Variants in ADH4 observed in about 807,000 individuals in gnomAD.
The protein encoded by ADH4 is all-trans-retinol dehydrogenase [NAD(+)] ADH4.
In ADH4, 31 loss-of-function variants were observed where a neutral mutation model predicts 35.2. The ratio of observed to expected loss-of-function variants is 0.88; its 90% CI spans 0.66 to 1.19. The LOEUF is 1.19. ADH4 is among the 50% of genes most tolerant of loss of function. ADH4 has a pLI of 0.00. For synonymous variants in ADH4, 171 were observed against 160.2 expected, an observed-to-expected ratio of 1.07 and a Z score of -0.51; for missense variants, 476 against 458.3, an observed-to-expected ratio of 1.04 and a Z score of -0.35.
chr4:99,140,852 G>A (rs1729589109), intron 3 of ADH4, among the ~76,000 whole-genome samples: 1 of 141,732 alleles, frequency 7.1e-6, no homozygotes, highest in Non-Finnish European at 1.5e-5. Flanking sequence ...GGGTGACAGA[G>A]CAAGGCTCCA....
Position 99,144,204 on chromosome 4 carries a change from C to T in ADH4, c.18+1G>A, listed in dbSNP as rs770951929. On this transcript the variant is annotated splice_donor_variant, in intron 1 of 8. Coordinates refer to ENST00000265512, the MANE Select transcript of ADH4 (RefSeq NM_000670.5). LOFTEE classifies it high-confidence loss of function. The stretch of plus-strand genomic sequence containing the variant: ...AACAAAGATACAGCTTACTTGCTTA[C>T]TTTGCCCTTGGTGCCCATTTTTCTT... The T allele has an allele frequency of 6.2e-7, 1 of 1,613,858 alleles. No individual in the cohort carries two copies. Among genetic ancestry groups the T allele is most frequent in the South Asian group, 1.1e-5 (1 of 91,080 alleles).
rs1445057595 is a variant in ADH4, at chr4:99,142,763, T to A, written c.36A>T (p.Ala12=). 6.2e-7 allele frequency: 1 copy of A among 1,600,170 alleles called. No individual in the cohort carries two copies. Among genetic ancestry groups the A allele is most frequent in the East Asian group, 2.2e-5 (1 of 44,524 alleles). The part of the protein sequence containing the change: ...GTKGKVIKCK[A]AIAWEAGKPL... ...GCTTGCCTGCTTCCCAGGCGATGGCTGCTTTGCATTTAATAACCTGAAAGA... is the reference window on the plus strand; with the variant it reads ...GCTTGCCTGCTTCCCAGGCGATGGCAGCTTTGCATTTAATAACCTGAAAGA... Residue 12 remains alanine (A), a synonymous_variant, in exon 2 of 9, where the codon GCA becomes GCT. Transcript: ENST00000265512.
chr4:99,137,026 C>T (rs1364991984), intron 4 of ADH4, among the ~76,000 whole-genome samples: 1 of 151,998 alleles, frequency 6.6e-6, no homozygotes, highest in Non-Finnish European at 1.5e-5. Context: ...CTCCGTTCAC[C>T]GCAACCTCCG....
chr4:99,127,310 C>T lies in ADH4; in HGVS notation c.878G>A (p.Gly293Glu). ...AGCTACTCCAATGAAAGTACATGAT[C>T]CCCAGCCTGCGGTTGTACAGTCCAG... is the stretch of plus-strand genomic sequence containing the variant. ...AALDCTTAGW[G>E]SCTFIGVAAG... The change falls in exon 7 of 9, where the codon GGA (glycine) becomes GAA (glutamate). Residue 293 changes from glycine to glutamate, a missense_variant. Gly to Glu is a moderately conservative substitution (Grantham distance 98). Coordinates refer to ENST00000265512, the MANE Select transcript of ADH4 (RefSeq NM_000670.5). 2.5e-6 allele frequency: 4 copies of T among 1,612,204 alleles called. No homozygotes were observed. The highest frequency in any genetic ancestry group is 3.4e-6 in the Non-Finnish European group (4 of 1,178,920).
At position 99,127,485 on chromosome 4, in the gene ADH4, T is replaced by A. The variant is rs570436845; in HGVS notation, c.844-141A>T. 4.6e-5 allele frequency: 28 copies of A among 605,520 alleles called. No homozygotes were observed. In the South Asian group the frequency reaches 8.5e-4, roughly 18 times the overall value. 37.5% of individuals were successfully genotyped at this position (605,520 alleles called of 1,614,324 possible). A position where few individuals can be genotyped will look rare whatever the true frequency, so the allele number is the denominator to read the frequency against. On this transcript the variant is annotated intron_variant, in intron 6 of 8. Coordinates refer to ENST00000265512, the MANE Select transcript of ADH4 (RefSeq NM_000670.5). ...GGGATTCAAGCTAATGACATCATAG[T>A]ATCATTGTAGATTGAGCCTTGAGGG...
chr4:99,137,590 G>A (rs1327459680), intron 4 of ADH4, among the ~76,000 whole-genome samples: 1 of 152,130 alleles, frequency 6.6e-6, no homozygotes, highest in Non-Finnish European at 1.5e-5. Context: ...GAATGCTTTT[G>A]TGTACCAGAA....
At chr4:99,132,764 A>G (rs568583420) in intron 5 of ADH4, among the ~76,000 whole-genome samples, 1 of 152,308 alleles carries the variant, frequency 6.6e-6, no homozygotes, top group African/African-American at 2.4e-5. Flanking sequence ...CCTAATGAGG[A>G]TGCAAAGCTG....
intron 8 of ADH4, among the ~76,000 whole-genome samples, chr4:99,125,804 C>T (rs1291281321): frequency 6.6e-6 from 1 of 152,174 alleles, no homozygotes. Context: ...ACATTTATTC[C>T]CTGCTTCAAA....
intron 3 of ADH4, among the ~76,000 whole-genome samples, 184 bp from the exon 4 acceptor site, chr4:99,139,332 A>AT (rs1157903075): frequency 3.3e-5 from 5 of 152,164 alleles, no homozygotes; most frequent in Admixed American, 6.5e-5. Context: ...CATATATTGT[A>AT]TTTTTTAAAA....
At chr4:99,126,446 T>C in intron 8 of ADH4, 148 bp downstream of exon 8, 1 of 667,406 alleles carries the variant, frequency 1.5e-6, no homozygotes, top group South Asian at 2.7e-5. Context: ...CCCTCTGAAA[T>C]GACCACTATT....
chr4:99,129,318 G>GA (rs943136785), intron 6 of ADH4, among the ~76,000 whole-genome samples: 1 of 151,868 alleles, frequency 6.6e-6, no homozygotes, highest in Non-Finnish European at 1.5e-5. Flanking sequence ...TATTTAAAAG[G>GA]AAAAAATTAG....
intron 6 of ADH4, among the ~76,000 whole-genome samples, chr4:99,127,623 G>A (rs539631655): frequency 6.6e-6 from 1 of 152,192 alleles, no homozygotes; most frequent in African/African-American, 2.4e-5. Flanking sequence ...GAGGCCAGGA[G>A]TTCGAGACCA....
At chr4:99,138,491 A>G (rs1729515216) in intron 4 of ADH4, among the ~76,000 whole-genome samples, 1 of 152,140 alleles carries the variant, frequency 6.6e-6, no homozygotes, top group African/African-American at 2.4e-5. Flanking sequence ...TGGCTCTAAG[A>G]CTTATAACTA....
At chr4:99,141,764 A>G in intron 2 of ADH4, 82 bp from the exon 3 acceptor site, 1 of 1,360,314 alleles carries the variant, frequency 7.4e-7, no homozygotes, top group Non-Finnish European at 1.0e-6. Flanking sequence ...TAGGCTTGAT[A>G]TCATTTTAAA....
intron 4 of ADH4, among the ~76,000 whole-genome samples, chr4:99,137,732 A>G (rs1161211386): frequency 1.3e-5 from 2 of 152,074 alleles, no homozygotes; most frequent in Non-Finnish European, 2.9e-5. Context: ...GTAACCATCA[A>G]TTCATGGCCA....
At chr4:99,139,038 T>C (rs372345786) in intron 4 of ADH4, 23 bp downstream of exon 4, 1 of 1,557,126 alleles carries the variant, frequency 6.4e-7, no homozygotes, top group Non-Finnish European at 8.8e-7. Flanking sequence ...TTTATACTAA[T>C]ACTAACAGTG....
intron 1 of ADH4, 194 bp from the exon 2 acceptor site, chr4:99,142,974 A>T: frequency 3.2e-6 from 2 of 627,378 alleles, no homozygotes; most frequent in Non-Finnish European, 5.6e-6. Context: ...AAAAATAAGA[A>T]GTTAAATTCT....
chr4:99,129,324 A>G (rs1729202052), intron 6 of ADH4, among the ~76,000 whole-genome samples: 1 of 152,114 alleles, frequency 6.6e-6, no homozygotes, highest in South Asian at 2.1e-4. Context: ...AAAGGAAAAA[A>G]TTAGGATAAG....
intron 1 of ADH4, among the ~76,000 whole-genome samples, chr4:99,143,705 TA>T (rs29001170): frequency 0.21 from 31,921 of 152,062 alleles, 4,020 homozygotes; most frequent in Non-Finnish European, 0.28. Flanking sequence ...ATATATTAAT[TA>T]ACAGGAAGTT....
Sources: allele counts gnomAD v4.1 joint callset (sites outside exome capture counted in the v4.1 genomes callset), GRCh38; gene constraint gnomAD v4.1.1; transcripts MANE v1.5; gene names NCBI Gene and HGNC (gene_info 2026-07-23, HGNC 2026-07-21).